CEP128: variants seen among roughly 807,000 people sequenced by gnomAD.
The protein encoded by CEP128 is centrosomal protein 128kDa.
In CEP128, 132 loss-of-function variants were observed where a neutral mutation model predicts 156.7. That is an observed-to-expected ratio of 0.84 (90% confidence interval 0.73 to 0.97). The LOEUF is 0.97. CEP128 is among the 50% of genes least tolerant of loss of function. CEP128 has a pLI of 0.00. For synonymous variants in CEP128, 469 were observed against 448.9 expected, an observed-to-expected ratio of 1.04 and a Z score of -0.57; for missense variants, 1,252 against 1,281.9, an observed-to-expected ratio of 0.98 and a Z score of 0.36.
At chr14:80,649,549 T>C (rs1046943071) in intron 19 of CEP128, among the ~76,000 whole-genome samples, 5 of 152,094 alleles carry the variant, frequency 3.3e-5, no homozygotes, top group Admixed American at 2.0e-4. Flanking sequence ...TCAGGTCACT[T>C]ACATGGGGAT....
chr14:80,574,326 G>A (rs1891266663), intron 20 of CEP128, among the ~76,000 whole-genome samples: 1 of 152,142 alleles, frequency 6.6e-6, no homozygotes, highest in Non-Finnish European at 1.5e-5. Flanking sequence ...ACTCGTGGCT[G>A]CCCCACCCTG....
intron 19 of CEP128, among the ~76,000 whole-genome samples, chr14:80,679,271 T>TGCGG (rs760171547): frequency 6.6e-6 from 1 of 152,228 alleles, no homozygotes; most frequent in Non-Finnish European, 1.5e-5. Context: ...TCTGACTGCC[T>TGCGG]GCGGGGTCAG....
rs564865277 is a variant in CEP128 at position 80,517,850 on chromosome 14, G to A, written c.3072+9019C>T. 1.6e-4 allele frequency among the ~76,000 whole-genome samples: 25 copies of A among 152,198 alleles called. 1 individual carries two copies. The South Asian group carries it at 3.5e-3, about 21-fold the overall frequency. On this transcript the variant is annotated intron_variant, in intron 23 of 24. Transcript: ENST00000555265. ...TTAGGATGAATCTGGGCACTGAGCC[G>A]TGCAGGAACAATGGCGAGCCTTTAT...
chr14:80,494,557 T>C (rs113030998), downstream of CEP128, among the ~76,000 whole-genome samples: 14 of 152,284 alleles, frequency 9.2e-5, no homozygotes, highest in South Asian at 2.1e-4. Flanking sequence ...TTAAACACAA[T>C]GTGTTATCTA....
chr14:80,724,614 C>T (rs1013945268), intron 19 of CEP128, among the ~76,000 whole-genome samples: 11 of 152,040 alleles, frequency 7.2e-5, no homozygotes, highest in Middle Eastern at 3.4e-3. Context: ...TTTACCTTAA[C>T]GATAAAGACA....
Position 80,590,229 on chromosome 14 carries a change from A to C in CEP128, c.2807-9806T>G, listed in dbSNP as rs560135316. Among the ~76,000 whole-genome samples, 3 of 152,298 alleles carry C rather than the reference A, an allele frequency of 2.0e-5. No individual in the cohort carries two copies. The South Asian group carries it at 6.2e-4, about 32-fold the overall frequency. ...ACCTGAAAATTTCCAAATTTTCATA[A>C]GAGACGTAACTCTTGGATTGAAGAA... On this transcript the variant is annotated intron_variant, in intron 19 of 24. Transcript: ENST00000555265.
At chr14:80,605,124 T>G (rs1190003018) in intron 19 of CEP128, among the ~76,000 whole-genome samples, 1 of 152,080 alleles carries the variant, frequency 6.6e-6, no homozygotes, top group Non-Finnish European at 1.5e-5. Flanking sequence ...TTCTTGGCCA[T>G]AACGATCCTA....
At chr14:80,526,046 C>A (rs1594948564) in intron 23 of CEP128, among the ~76,000 whole-genome samples, 1 of 151,958 alleles carries the variant, frequency 6.6e-6, no homozygotes, top group Admixed American at 6.6e-5. Context: ...TGGACTCTCT[C>A]TGGGTCAGCA....
At chr14:80,673,281 A>G (rs1895914999) in intron 19 of CEP128, among the ~76,000 whole-genome samples, 1 of 152,194 alleles carries the variant, frequency 6.6e-6, no homozygotes, top group Non-Finnish European at 1.5e-5. Context: ...ATTTATTAAA[A>G]GAAATATATT....
chr14:80,639,507 A>G (rs1297211830), intron 19 of CEP128, among the ~76,000 whole-genome samples: 1 of 152,174 alleles, frequency 6.6e-6, no homozygotes, highest in African/African-American at 2.4e-5. Context: ...TGTCTTTACT[A>G]TAATTAAAAG....
intron 19 of CEP128, among the ~76,000 whole-genome samples, chr14:80,725,344 G>A (rs113108842): frequency 0.012 from 1,819 of 151,532 alleles, 39 homozygotes; most frequent in African/African-American, 0.041. Context: ...CATGACGCCC[G>A]GCTAATTTTT....
chr14:80,927,214 A>G (rs2139564465), intron 2 of CEP128, among the ~76,000 whole-genome samples: 1 of 152,350 alleles, frequency 6.6e-6, no homozygotes, highest in South Asian at 2.1e-4. Flanking sequence ...ACCGGACTGC[A>G]GGCTCTGAGT....
chr14:80,854,908 CATAA>C (rs1363992368), intron 9 of CEP128, among the ~76,000 whole-genome samples: 2 of 151,644 alleles, frequency 1.3e-5, no homozygotes, highest in East Asian at 3.9e-4. Context: ...GAATCAGTAA[CATAA>C]ATAATCGGGG....
intron 9 of CEP128, among the ~76,000 whole-genome samples, chr14:80,852,442 C>T (rs1041771604): frequency 1.3e-5 from 2 of 151,420 alleles, no homozygotes; most frequent in African/African-American, 4.8e-5. Context: ...GCAGAAAAAT[C>T]AATCAAGCAT....
At chr14:80,596,842 A>AAAAAAAAAAGG (rs1555379468) in intron 19 of CEP128, among the ~76,000 whole-genome samples, 1 of 69,830 alleles carries the variant, frequency 1.4e-5, no homozygotes, top group Non-Finnish European at 2.9e-5. Flanking sequence ...AAAAAAAAAA[A>AAAAAAAAAAGG]GGTGGGGGGG....
At chr14:80,513,102 A>G (rs905869730) in intron 23 of CEP128, among the ~76,000 whole-genome samples, 4 of 152,096 alleles carry the variant, frequency 2.6e-5, no homozygotes, top group African/African-American at 9.7e-5. Flanking sequence ...TTGCTTGTTA[A>G]TATCCTTTTA....
intron 2 of CEP128, among the ~76,000 whole-genome samples, chr14:80,929,932 G>A (rs890776320): frequency 2.1e-4 from 32 of 152,204 alleles, no homozygotes; most frequent in Non-Finnish European, 4.3e-4. Flanking sequence ...CAGAGCAGCA[G>A]GTGAACAGCG....
At chr14:80,610,654 C>T (rs556590339) in intron 19 of CEP128, among the ~76,000 whole-genome samples, 1 of 152,128 alleles carries the variant, frequency 6.6e-6, no homozygotes, top group African/African-American at 2.4e-5. Context: ...ATTAACAATC[C>T]GTGTACTCTT....
chr14:80,677,971 C>T (rs1029386692), intron 19 of CEP128, among the ~76,000 whole-genome samples: 1 of 150,968 alleles, frequency 6.6e-6, no homozygotes, highest in Non-Finnish European at 1.5e-5. Flanking sequence ...TTCAGACTTT[C>T]TTGGCTTAAG....
Sources: gnomAD v4.1 joint callset for allele counts (sites outside exome capture counted in the v4.1 genomes callset) on GRCh38, gnomAD v4.1.1 for gene constraint, MANE v1.5 for transcripts, NCBI Gene and HGNC (gene_info 2026-07-23, HGNC 2026-07-21) for gene names.